The following BTBD7 variants were observed in gnomAD, a reference collection of about 807,000 sequenced individuals.
The protein encoded by BTBD7 is BTB domain containing 7.
Under a neutral mutation model 99.9 loss-of-function variants are expected in BTBD7, and 38 were observed. The ratio of observed to expected loss-of-function variants is 0.38; its 90% CI spans 0.29 to 0.50. BTBD7 has a LOEUF of 0.50. Among genes scored for constraint, BTBD7 ranks in the 20% least tolerant of loss-of-function variants. The probability of loss-of-function intolerance (pLI) is 0.93; values close to 1 mark genes in which losing one functional copy is unlikely to be tolerated. For missense variants in BTBD7, 1,170 were observed against 1,394.6 expected (o/e 0.84, Z 2.57); for synonymous variants, 520 against 511.4 (o/e 1.02, Z -0.23).
chr14:93,311,494 T>A (rs1258487385), intron 1 of BTBD7, among the ~76,000 whole-genome samples: 1 of 152,204 alleles, frequency 6.6e-6, no homozygotes, highest in East Asian at 1.9e-4. Context: ...TACACACATA[T>A]CTACATAAAC....
At chr14:93,247,770 A>G (rs1243527920) in intron 9 of BTBD7, among the ~76,000 whole-genome samples, 1 of 152,246 alleles carries the variant, frequency 6.6e-6, no homozygotes, top group East Asian at 1.9e-4. Flanking sequence ...TGATCAGACT[A>G]GTTTACAAAT....
intron 1 of BTBD7, among the ~76,000 whole-genome samples, chr14:93,320,645 G>T (rs1016513884): frequency 6.6e-6 from 1 of 152,198 alleles, no homozygotes; most frequent in East Asian, 1.9e-4. Context: ...AAAGTCTACT[G>T]AAGTATAATG....
chr14:93,247,860 A>C (rs1364652755), intron 9 of BTBD7, among the ~76,000 whole-genome samples: 3 of 152,190 alleles, frequency 2.0e-5, no homozygotes, highest in African/African-American at 7.2e-5. Flanking sequence ...TTTTCCTGGT[A>C]GGTTAAAAAA....
chr14:93,264,958 G>C (rs1303873163), intron 3 of BTBD7, among the ~76,000 whole-genome samples: 1 of 152,036 alleles, frequency 6.6e-6, no homozygotes, highest in Non-Finnish European at 1.5e-5. Flanking sequence ...AAATTAGCTG[G>C]GCGTCCTGTA....
At chr14:93,318,448 T>C (rs1415721009) in intron 1 of BTBD7, among the ~76,000 whole-genome samples, 1 of 152,232 alleles carries the variant, frequency 6.6e-6, no homozygotes, top group African/African-American at 2.4e-5. Flanking sequence ...GTACTTTGTA[T>C]GTGTATTACT....
intron 3 of BTBD7, among the ~76,000 whole-genome samples, chr14:93,280,807 C>G (rs959114840): frequency 1.3e-5 from 2 of 151,314 alleles, no homozygotes; most frequent in Non-Finnish European, 2.9e-5. Flanking sequence ...ATACTCTGAA[C>G]TAAGATTCGG....
intron 1 of BTBD7, among the ~76,000 whole-genome samples, chr14:93,310,561 G>A (rs1260333600): frequency 9.2e-5 from 14 of 152,010 alleles, no homozygotes; most frequent in African/African-American, 3.4e-4. Context: ...CGTGGGTAAC[G>A]TGGTGAAACC....
intron 3 of BTBD7, among the ~76,000 whole-genome samples, chr14:93,292,470 C>T (rs1435779460): frequency 6.6e-6 from 1 of 151,900 alleles, no homozygotes; most frequent in Admixed American, 6.6e-5. Context: ...AATTCTTATT[C>T]TAAACTAATA....
chr14:93,291,011 T>TA (rs2052847888), intron 3 of BTBD7, among the ~76,000 whole-genome samples: 3 of 145,976 alleles, frequency 2.1e-5, no homozygotes, highest in African/African-American at 7.6e-5. Flanking sequence ...TTTTTTTTTT[T>TA]TGGTAGAGAC....
chr14:93,267,929 C>T (rs954916974), intron 3 of BTBD7, among the ~76,000 whole-genome samples: 1 of 152,176 alleles, frequency 6.6e-6, no homozygotes, highest in African/African-American at 2.4e-5. Context: ...CCAGAATGAT[C>T]TTTTAAAATG....
intron 1 of BTBD7, among the ~76,000 whole-genome samples, chr14:93,321,486 G>A (rs1195199295): frequency 2.6e-5 from 4 of 152,152 alleles, no homozygotes; most frequent in South Asian, 2.1e-4. Flanking sequence ...CCAGCTGCTC[G>A]GGAGGCTGAG....
chr14:93,303,603 C>T (rs906900065), intron 1 of BTBD7, among the ~76,000 whole-genome samples: 1 of 152,204 alleles, frequency 6.6e-6, no homozygotes, highest in African/African-American at 2.4e-5. Context: ...TTAAAATATT[C>T]TTTAAAAAAT....
intron 3 of BTBD7, among the ~76,000 whole-genome samples, chr14:93,264,981 C>T (rs886234454): frequency 6.6e-6 from 1 of 152,038 alleles, no homozygotes; most frequent in Non-Finnish European, 1.5e-5. Flanking sequence ...CCCAGCTACT[C>T]GGGAGGCTAA....
chr14:93,248,094 T>C (rs779900863), intron 9 of BTBD7, among the ~76,000 whole-genome samples: 46 of 152,346 alleles, frequency 3.0e-4, no homozygotes, highest in South Asian at 2.3e-3. Flanking sequence ...GGAATTTTTT[T>C]AGCAGTCCCC....
At chr14:93,328,188 C>G (rs1262582548) in intron 1 of BTBD7, among the ~76,000 whole-genome samples, 1 of 152,090 alleles carries the variant, frequency 6.6e-6, no homozygotes, top group Non-Finnish European at 1.5e-5. Context: ...CAACATTACC[C>G]AAAGCAACCT....
chr14:93,284,867 G>A (rs1158198201), intron 3 of BTBD7, among the ~76,000 whole-genome samples: 1 of 152,050 alleles, frequency 6.6e-6, no homozygotes, highest in African/African-American at 2.4e-5. Context: ...AGTGAGAGCA[G>A]AGGGTCAGAG....
intron 3 of BTBD7, among the ~76,000 whole-genome samples, chr14:93,278,838 T>A (rs71429789): frequency 6.6e-6 from 1 of 152,096 alleles, no homozygotes; most frequent in Non-Finnish European, 1.5e-5. Context: ...CTCAGGCATG[T>A]AATCCCAGCA....
chr14:93,317,073 T>C (rs1255830823), intron 1 of BTBD7, among the ~76,000 whole-genome samples: 1 of 152,160 alleles, frequency 6.6e-6, no homozygotes, highest in East Asian at 1.9e-4. Context: ...TGGTACGATC[T>C]CAGCTCATTG....
intron 1 of BTBD7, among the ~76,000 whole-genome samples, chr14:93,332,503 G>A (rs887822479): frequency 1.3e-5 from 2 of 151,734 alleles, no homozygotes; most frequent in Non-Finnish European, 2.9e-5. Flanking sequence ...AAAGCCGGCC[G>A]GGCTGCCGTC....
Sources: allele counts gnomAD v4.1 joint callset (sites outside exome capture counted in the v4.1 genomes callset), GRCh38; gene constraint gnomAD v4.1.1; transcripts MANE v1.5; gene names NCBI Gene and HGNC (gene_info 2026-07-23, HGNC 2026-07-21).